Variants in ITGB2 observed in about 807,000 individuals in gnomAD.
The protein encoded by ITGB2 is integrin beta-2.
ITGB2 carries 56 observed loss-of-function variants against 86.8 expected under a neutral mutation model. That is an observed-to-expected ratio of 0.65 (90% CI 0.52 to 0.81). The LOEUF is 0.81. Among genes scored for constraint, ITGB2 ranks in the 30% least tolerant of loss-of-function variants. The pLI is 0.00. For missense variants in ITGB2, 948 were observed against 1,061.2 expected, an observed-to-expected ratio of 0.89 and a Z score of 1.48; for synonymous variants, 457 against 450.4, an observed-to-expected ratio of 1.01 and a Z score of -0.19.
At chr21:44,892,954 G>A (rs776951131) in intron 10 of ITGB2, 6 of 207,428 alleles carry the variant, frequency 2.9e-5, no homozygotes, top group East Asian at 1.1e-4. Flanking sequence ...TGTGTCCGGC[G>A]TCTGCCCCCA....
intron 7 of ITGB2, among the ~76,000 whole-genome samples, chr21:44,899,426 CG>C (rs200468383): frequency 6.6e-6 from 1 of 152,178 alleles, no homozygotes; most frequent in East Asian, 1.9e-4. Flanking sequence ...GGGATGTCCA[CG>C]GGGGCAGAAT....
intron 8 of ITGB2, among the ~76,000 whole-genome samples, chr21:44,898,097 C>A (rs534090415): frequency 6.6e-6 from 1 of 152,202 alleles, no homozygotes; most frequent in South Asian, 2.1e-4. Flanking sequence ...GATAGTCCCA[C>A]AGTGTGATTT....
rs2083698339 is a variant in ITGB2 at position 44,886,364 on chromosome 21, G to C, written c.*4C>G. ...CCTGACGGCCTTGTCTTCACCAAGT[G>C]CTCCTAACTCTCAGCAAACTTGGGG... On this transcript the variant is annotated 3_prime_UTR_variant, in exon 16 of 16. Transcript: ENST00000652462. The C allele has an allele frequency of 2.5e-6, 4 of 1,613,702 alleles. No homozygotes were observed. The African/African-American group carries it at 5.3e-5, about 22-fold the overall frequency.
chr21:44,893,152 G>T, intron 10 of ITGB2: 1 of 449,366 alleles, frequency 2.2e-6, no homozygotes, highest in Non-Finnish European at 4.2e-6. Flanking sequence ...CACAAGGAAA[G>T]CGTCTGGCCT....
Position 44,892,402 on chromosome 21 carries a change from C to T in ITGB2, c.1225-406G>A, listed in dbSNP as rs770122415. ...TGGGAGGCCGAGGCGGGTAGATCAT[C>T]TGAGGGCAAGAGTTTGAGACCAGCC... On this transcript the variant is annotated intron_variant, in intron 10 of 15. Transcript: ENST00000652462. Among the ~76,000 whole-genome samples the T allele has an allele frequency of 2.0e-5, 3 of 152,140 alleles. No homozygotes were observed. In the South Asian group the frequency reaches 6.2e-4, roughly 31 times the overall value.
chr21:44,912,789 G>A (rs1047274543), intron 1 of ITGB2, among the ~76,000 whole-genome samples: 1 of 109,880 alleles, frequency 9.1e-6, no homozygotes, highest in Non-Finnish European at 2.1e-5. Flanking sequence ...CTACCCCAGG[G>A]TGCAGGGTCC....
chr21:44,902,938 C>T (rs2026882), intron 5 of ITGB2, among the ~76,000 whole-genome samples: 24,562 of 152,176 alleles, frequency 0.16, 2,108 homozygotes, highest in Admixed American at 0.23. Flanking sequence ...TGCTGGAGAC[C>T]TGCTCTGTGG....
chr21:44,886,704 T>A (rs1454458155), intron 15 of ITGB2, 32 bp downstream of exon 15: 6 of 1,613,754 alleles, frequency 3.7e-6, no homozygotes, highest in Non-Finnish European at 5.1e-6. Flanking sequence ...CACGTGCCCC[T>A]CTGCGTGGGA....
At chr21:44,918,131 G>T (rs565097745) in intron 1 of ITGB2, among the ~76,000 whole-genome samples, 8 of 152,266 alleles carry the variant, frequency 5.3e-5, no homozygotes, top group Non-Finnish European at 1.0e-4. Flanking sequence ...AGAGCCCCTT[G>T]AGTTGGGGCT....
chr21:44,902,217 G>A (rs1422753431), intron 5 of ITGB2, among the ~76,000 whole-genome samples: 2 of 152,272 alleles, frequency 1.3e-5, no homozygotes, highest in African/African-American at 4.8e-5. Flanking sequence ...ATTTATACAT[G>A]TGAGTGAAGA....
intron 8 of ITGB2, among the ~76,000 whole-genome samples, chr21:44,897,623 A>G (rs1371188895): frequency 6.6e-6 from 1 of 152,180 alleles, no homozygotes; most frequent in African/African-American, 2.4e-5. Flanking sequence ...GGGGTAAGGA[A>G]GGGCCTGGGG....
At chr21:44,918,739 C>G (rs2084247855) in intron 1 of ITGB2, among the ~76,000 whole-genome samples, 2 of 152,320 alleles carry the variant, frequency 1.3e-5, no homozygotes, top group South Asian at 2.1e-4. Flanking sequence ...CAGGTCACGT[C>G]GATGCCGCCT....
At chr21:44,917,585 T>C (rs1209168470) in intron 1 of ITGB2, among the ~76,000 whole-genome samples, 1 of 152,190 alleles carries the variant, frequency 6.6e-6, no homozygotes, top group Non-Finnish European at 1.5e-5. Context: ...ATGGGCTTGT[T>C]GCCACTGTCA....
At chr21:44,928,025 C>G (rs892681141) in intron 1 of ITGB2, 5 of 152,190 alleles carry the variant, frequency 3.3e-5, no homozygotes, top group African/African-American at 7.2e-5. Flanking sequence ...CTGTGCCCCC[C>G]CAACCCCCCG....
chr21:44,918,699 C>T (rs571855785), intron 1 of ITGB2, among the ~76,000 whole-genome samples: 3 of 152,336 alleles, frequency 2.0e-5, no homozygotes, highest in Admixed American at 1.3e-4. Flanking sequence ...TGGTGGTGGC[C>T]GTGTTGCCTC....
Position 44,903,337 on chromosome 21 carries a change from G to A in ITGB2, c.499+28C>T, listed in dbSNP as rs375919354. 7.4e-6 allele frequency: 12 copies of A among 1,613,680 alleles called. No homozygotes were observed. The African/African-American group carries it at 1.3e-4, about 18-fold the overall frequency. Reference sequence around the variant, plus strand: ...TGGCCAGGGTCTGGGAAAGGACTGGGTTTTGTCCTGCAGTGCCTGGGCCTC... The same window carrying A: ...TGGCCAGGGTCTGGGAAAGGACTGGATTTTGTCCTGCAGTGCCTGGGCCTC... On this transcript the variant is annotated intron_variant, in intron 5 of 15. Coordinates refer to ENST00000652462, the MANE Select transcript of ITGB2 (RefSeq NM_000211.5).
At chr21:44,918,456 T>C (rs951957872) in intron 1 of ITGB2, among the ~76,000 whole-genome samples, 1 of 152,198 alleles carries the variant, frequency 6.6e-6, no homozygotes, top group African/African-American at 2.4e-5. Flanking sequence ...GAGTTCAAGT[T>C]ACACGGTTGA....
At position 44,900,319 on chromosome 21, in the gene ITGB2, C is replaced by T. The variant is rs201752283; in HGVS notation, c.897+1G>A. The T allele has an allele frequency of 1.8e-5, 29 of 1,614,186 alleles. No homozygotes were observed. Among genetic ancestry groups the T allele is most frequent in the East Asian group, 1.3e-4 (6 of 44,880 alleles). On this transcript the variant is annotated splice_donor_variant, in intron 7 of 15. Coordinates refer to ENST00000652462, the MANE Select transcript of ITGB2 (RefSeq NM_000211.5). LOFTEE classifies it high-confidence loss of function. The stretch of plus-strand genomic sequence containing the variant: ...CCTGGGTGCCTGGGGTGGGGACTTA[C>T]GAATTCGTTGCTCCTCTTGTACAAG...
chr21:44,906,166 C>CTCCCTTCCCTCCCTTCCCTCCCTCCCT (rs1555858429), intron 4 of ITGB2, among the ~76,000 whole-genome samples: 1 of 103,570 alleles, frequency 9.7e-6, no homozygotes, highest in African/African-American at 4.1e-5. Context: ...CCTCCCTTCC[C>CTCCCTTCCCTCCCTTCCCTCCCTCCCT]TCCCTCCCTT....
Sources: gnomAD v4.1 joint callset for allele counts (sites outside exome capture counted in the v4.1 genomes callset) on GRCh38, gnomAD v4.1.1 for gene constraint, MANE v1.5 for transcripts, NCBI Gene and HGNC (gene_info 2026-07-23, HGNC 2026-07-21) for gene names.